The following TSPAN7 variants were observed in gnomAD, a reference collection of about 807,000 sequenced individuals.
TSPAN7 encodes the protein tetraspanin-7.
A neutral mutation model predicts 17.6 loss-of-function variants in TSPAN7; 1 was observed. That is an observed-to-expected ratio of 0.06 (90% CI 0.02 to 0.27). The LOEUF is 0.27. Ranked by LOEUF, TSPAN7 falls within the 10% of genes least tolerant of loss-of-function variation. The probability of loss-of-function intolerance (pLI) is 1.00; values close to 1 mark genes in which losing one functional copy is unlikely to be tolerated. For missense variants in TSPAN7, 112 were observed against 201.7 expected (o/e 0.56, Z 2.69); for synonymous variants, 78 against 79.0 (o/e 0.99, Z 0.07).
chrX:38,649,668 G>T (rs759399294), intron 1 of TSPAN7, among the ~76,000 whole-genome samples: 1 of 111,698 alleles, frequency 9.0e-6, no homozygotes, highest in Non-Finnish European at 1.9e-5. Flanking sequence ...CAGGGCAAAG[G>T]GTTGTGCTGT....
At chrX:38,620,477 C>T (rs984541635) in intron 1 of TSPAN7, among the ~76,000 whole-genome samples, 1 of 111,124 alleles carries the variant, frequency 9.0e-6, no homozygotes, top group Non-Finnish European at 1.9e-5. Context: ...AGATTGGGAG[C>T]CAGGTTTATC....
intron 2 of TSPAN7, among the ~76,000 whole-genome samples, chrX:38,668,685 T>C (rs761984411): frequency 1.6e-3 from 184 of 112,260 alleles, no homozygotes; most frequent in African/African-American, 5.7e-3. Context: ...TTGTGTCCAG[T>C]GTGTATGGAC....
At chrX:38,659,779 G>C (rs2069730314) in intron 1 of TSPAN7, among the ~76,000 whole-genome samples, 1 of 105,574 alleles carries the variant, frequency 9.5e-6, no homozygotes, top group South Asian at 4.4e-4. Context: ...TTACAGGCGT[G>C]AGCCACCACA....
At chrX:38,616,727 G>A (rs1416831193) in intron 1 of TSPAN7, among the ~76,000 whole-genome samples, 1 of 111,726 alleles carries the variant, frequency 9.0e-6, no homozygotes, top group Non-Finnish European at 1.9e-5. Context: ...ATGGATGTAT[G>A]AAGCACTTTC....
At chrX:38,646,203 A>T in intron 1 of TSPAN7, 1 of 1,034,794 alleles carries the variant, frequency 9.7e-7, no homozygotes, top group Non-Finnish European at 1.3e-6. Context: ...GGCAAAAAGT[A>T]TAGATCCAAT....
At chrX:38,635,111 G>C (rs903093723) in intron 1 of TSPAN7, among the ~76,000 whole-genome samples, 2 of 111,111 alleles carry the variant, frequency 1.8e-5, no homozygotes, top group Admixed American at 9.5e-5. Flanking sequence ...TGTCTCTTCA[G>C]ATTATCCTTC....
At chrX:38,627,502 G>T (rs1160965986) in intron 1 of TSPAN7, among the ~76,000 whole-genome samples, 4 of 111,831 alleles carry the variant, frequency 3.6e-5, no homozygotes, top group African/African-American at 1.3e-4. Flanking sequence ...AAAATATGGG[G>T]GTAGGTGTGA....
chrX:38,666,766 T>A (rs954533750), intron 2 of TSPAN7, among the ~76,000 whole-genome samples: 3 of 109,580 alleles, frequency 2.7e-5, no homozygotes, highest in African/African-American at 1.0e-4. Flanking sequence ...GCCCAGCTAA[T>A]TTTTTTTGTA....
At chrX:38,577,018 G>T in intron 1 of TSPAN7, among the ~76,000 whole-genome samples, 1 of 111,297 alleles carries the variant, frequency 9.0e-6, no homozygotes, top group Non-Finnish European at 1.9e-5. Flanking sequence ...TAAGAATGAA[G>T]GTCTAATATA....
chrX:38,615,656 G>A (rs1219949992), intron 1 of TSPAN7, among the ~76,000 whole-genome samples: 1 of 112,011 alleles, frequency 8.9e-6, no homozygotes, highest in Admixed American at 9.4e-5. Context: ...AGAAAATGAT[G>A]GGTAACATAT....
chrX:38,574,095 A>G (rs1040762708), intron 1 of TSPAN7, among the ~76,000 whole-genome samples: 1 of 112,347 alleles, frequency 8.9e-6, no homozygotes, highest in Non-Finnish European at 1.9e-5. Flanking sequence ...ATCTACCGTT[A>G]TCTTTATTAA....
chrX:38,673,920 G>T (rs1167218539), intron 3 of TSPAN7, among the ~76,000 whole-genome samples: 1 of 111,345 alleles, frequency 9.0e-6, no homozygotes, highest in African/African-American at 3.3e-5. Context: ...TCATGCCTGA[G>T]GTTTGGCAGC....
chrX:38,653,070 G>T (rs1332534940), intron 1 of TSPAN7, among the ~76,000 whole-genome samples: 2 of 112,043 alleles, frequency 1.8e-5, no homozygotes, highest in African/African-American at 6.5e-5. Context: ...GACAGAAATT[G>T]ATTGGACTCC....
chrX:38,650,066 G>A (rs2069667367), intron 1 of TSPAN7, among the ~76,000 whole-genome samples: 1 of 112,270 alleles, frequency 8.9e-6, no homozygotes, highest in Non-Finnish European at 1.9e-5. Context: ...CTTTTGGACA[G>A]AGAGAGCCAG....
intron 1 of TSPAN7, among the ~76,000 whole-genome samples, chrX:38,576,260 A>G (rs2069193598): frequency 8.9e-6 from 1 of 111,773 alleles, no homozygotes; most frequent in South Asian, 3.7e-4. Context: ...CTAAAGTTTA[A>G]TATGGGCCTA....
chrX:38,634,413 A>G (rs944325596), intron 1 of TSPAN7, among the ~76,000 whole-genome samples: 1 of 112,592 alleles, frequency 8.9e-6, no homozygotes, highest in African/African-American at 3.2e-5. Context: ...ACGTTTGTCC[A>G]TATCCTGTTA....
intron 1 of TSPAN7, among the ~76,000 whole-genome samples, chrX:38,614,870 A>G (rs1230484703): frequency 8.9e-6 from 1 of 112,517 alleles, no homozygotes. Flanking sequence ...ATTCAGTGTC[A>G]TGAGCACCAG....
intron 1 of TSPAN7, among the ~76,000 whole-genome samples, chrX:38,598,520 A>C (rs928677837): frequency 2.8e-4 from 31 of 111,176 alleles, no homozygotes; most frequent in African/African-American, 1.0e-3. Flanking sequence ...GTATTATTGT[A>C]GATTTTTAAA....
At chrX:38,676,583 A>T (rs2069855298) in intron 5 of TSPAN7, among the ~76,000 whole-genome samples, 1 of 111,781 alleles carries the variant, frequency 8.9e-6, no homozygotes, top group Non-Finnish European at 1.9e-5. Context: ...CATATATAAC[A>T]TATATTTTGG....
Sources: gnomAD v4.1 joint callset for allele counts (sites outside exome capture counted in the v4.1 genomes callset) on GRCh38, gnomAD v4.1.1 for gene constraint, MANE v1.5 for transcripts, NCBI Gene and HGNC (gene_info 2026-07-23, HGNC 2026-07-21) for gene names.